ERICH3: variants seen among roughly 807,000 people sequenced by gnomAD.
ERICH3 encodes the protein glutamate-rich protein 3.
A neutral mutation model predicts 131.1 loss-of-function variants in ERICH3; 126 were observed. The observed-to-expected ratio is 0.96, with a 90% CI of 0.83 to 1.11. ERICH3 has a LOEUF of 1.11. Ranked by LOEUF, ERICH3 falls within the 50% of genes most tolerant of loss-of-function variation. ERICH3 has a pLI of 0.00. For missense variants in ERICH3, 2,050 were observed against 1,810.7 expected (o/e 1.13, Z -2.40); for synonymous variants, 695 against 644.6 (o/e 1.08, Z -1.18).
rs1275637697 is a variant in ERICH3 at position 74,568,124 on chromosome 1, A to G, written c.*2334T>C. The G allele has an allele frequency of 6.6e-6, 1 of 152,186 alleles. No homozygotes were observed. The highest frequency in any genetic ancestry group is 1.5e-5 in the Non-Finnish European group (1 of 67,984). 9.4% of individuals were successfully genotyped at this position (152,186 alleles called of 1,614,324 possible). ...ACCATTCACATGTATCTGTAAACAT[A>G]TGATTGATTTATGTTTTAATAATGA... On this transcript the variant is annotated 3_prime_UTR_variant, in exon 15 of 15. Transcript: ENST00000326665.
At chr1:74,669,489 T>A (rs1371356764) in intron 1 of ERICH3, among the ~76,000 whole-genome samples, 1 of 152,072 alleles carries the variant, frequency 6.6e-6, no homozygotes, top group African/African-American at 2.4e-5. Context: ...AAACCACCAT[T>A]CCACCTCTAG....
chr1:74,654,666 C>T (rs893853081), intron 1 of ERICH3, among the ~76,000 whole-genome samples: 3 of 152,084 alleles, frequency 2.0e-5, no homozygotes, highest in Non-Finnish European at 2.9e-5. Context: ...ATCTGATTAC[C>T]TCCCAAAGGC....
Position 74,572,533 on chromosome 1 carries a change from C to T in ERICH3, c.3177G>A (p.Glu1059=). Residue 1059 remains glutamate, a synonymous_variant, in exon 14 of 15, where the codon GAG becomes GAA. Coordinates refer to ENST00000326665, the MANE Select transcript of ERICH3 (RefSeq NM_001002912.5). ...TTTTTGGCCTCTCAGCTTTCCTTCG[C>T]TCTCTTGCTAAATCTAATTCCTTGG... ...ILPKELDLAR[E]RRKAERPKTS... The T allele has an allele frequency of 2.5e-6, 4 of 1,614,132 alleles. No homozygotes were observed. Among genetic ancestry groups the T allele is most frequent in the Non-Finnish European group, 3.4e-6 (4 of 1,180,028 alleles).
At chr1:74,588,179 C>A (rs1260734369) in intron 12 of ERICH3, among the ~76,000 whole-genome samples, 1 of 152,164 alleles carries the variant, frequency 6.6e-6, no homozygotes, top group African/African-American at 2.4e-5. Flanking sequence ...CTCCTGTATC[C>A]CACCTTCAAA....
At chr1:74,583,559 G>A (rs1647217706) in intron 12 of ERICH3, among the ~76,000 whole-genome samples, 2 of 151,968 alleles carry the variant, frequency 1.3e-5, no homozygotes, top group South Asian at 4.2e-4. Context: ...GGTTAACCAT[G>A]AGTAACTGAA....
Position 74,589,976 on chromosome 1 carries a change from T to C in ERICH3, c.1831A>G (p.Thr611Ala), listed in dbSNP as rs1472280563. 58 of 1,613,926 alleles carry C rather than the reference T, an allele frequency of 3.6e-5. No individual in the cohort carries two copies. The highest frequency in any genetic ancestry group is 4.9e-5 in the Non-Finnish European group (58 of 1,179,952). Residue 611 changes from threonine to alanine, a missense_variant, in exon 12 of 15, where the codon ACA becomes GCA. By Grantham distance (58) the Thr-to-Ala change is moderately conservative. Transcript: ENST00000326665. ...GDREAHTDSSTDESARRSSSQ... is the reference protein window; with the variant it reads ...GDREAHTDSSADESARRSSSQ... ...GATGACCTTCTGGCACTTTCATCTG[T>C]GCTGCTGTCAGTGTGGGCTTCCCTG... is the stretch of plus-strand genomic sequence containing the variant.
chr1:74,601,375 G>A (rs536967615), intron 10 of ERICH3, among the ~76,000 whole-genome samples: 16 of 151,800 alleles, frequency 1.1e-4, no homozygotes, highest in East Asian at 1.9e-4. Flanking sequence ...AGACAATCCC[G>A]GCCATGAAAG....
At chr1:74,659,984 C>T (rs1646624723) in intron 1 of ERICH3, among the ~76,000 whole-genome samples, 1 of 152,022 alleles carries the variant, frequency 6.6e-6, no homozygotes, top group Admixed American at 6.5e-5. Context: ...TGGCTGTGTC[C>T]CCACCCAAAT....
intron 7 of ERICH3, among the ~76,000 whole-genome samples, chr1:74,630,650 C>A (rs1394703817): frequency 6.6e-6 from 1 of 152,000 alleles, no homozygotes; most frequent in African/African-American, 2.4e-5. Flanking sequence ...AAACAGAAGT[C>A]TAAGGTTGCA....
intron 11 of ERICH3, among the ~76,000 whole-genome samples, chr1:74,594,084 C>T (rs1054506379): frequency 1.4e-4 from 21 of 152,034 alleles, no homozygotes; most frequent in Admixed American, 3.3e-4. Context: ...CACTCCAAAG[C>T]TCAGAGTCCA....
chr1:74,616,678 A>G (rs1648980946), intron 8 of ERICH3, among the ~76,000 whole-genome samples: 1 of 152,096 alleles, frequency 6.6e-6, no homozygotes, highest in Non-Finnish European at 1.5e-5. Flanking sequence ...TTGTTTGGAC[A>G]TAGGGTCTTC....
At chr1:74,596,851 AG>A in intron 11 of ERICH3, among the ~76,000 whole-genome samples, 1 of 152,026 alleles carries the variant, frequency 6.6e-6, no homozygotes, top group East Asian at 1.9e-4. Flanking sequence ...TGCAGCCAGT[AG>A]CACTCTATCA....
rs919353905 is a variant in ERICH3, at chr1:74,572,852, A to G, written c.2858T>C (p.Leu953Pro). 3.1e-6 allele frequency: 5 copies of G among 1,613,270 alleles called. No individual in the cohort carries two copies. In the Admixed American group the frequency reaches 6.7e-5, roughly 22 times the overall value. ...GTCCTCCATGGGTCCTGTGTCCTCT[A>G]GGTCTATGGATGCTTCCTCTTCACT... is the stretch of plus-strand genomic sequence containing the variant. ...GESEEEASID[L>P]EDTGPMEDTA... The change falls in exon 14 of 15, where the codon CTA becomes CCA. Residue 953 changes from leucine to proline, a missense_variant. Physicochemically the swap from Leu to Pro is moderately conservative, Grantham distance 98. Transcript: ENST00000326665.
chr1:74,633,778 A>G (rs921687021), intron 6 of ERICH3, among the ~76,000 whole-genome samples: 2 of 152,050 alleles, frequency 1.3e-5, no homozygotes, highest in Non-Finnish European at 2.9e-5. Context: ...ATAAATTCCT[A>G]CATGTTAAAA....
chr1:74,662,284 T>C (rs1646649487), intron 1 of ERICH3, among the ~76,000 whole-genome samples: 1 of 152,192 alleles, frequency 6.6e-6, no homozygotes, highest in Admixed American at 6.5e-5. Context: ...TAAGGTTTTA[T>C]TCTGGAAGAT....
chr1:74,605,432 G>T (rs1557680019), intron 10 of ERICH3, among the ~76,000 whole-genome samples: 1 of 151,722 alleles, frequency 6.6e-6, no homozygotes, highest in Non-Finnish European at 1.5e-5. Context: ...TTGGCTAACT[G>T]CTTGGCACAA....
At chr1:74,582,601 A>T (rs981960737) in intron 12 of ERICH3, among the ~76,000 whole-genome samples, 2 of 152,162 alleles carry the variant, frequency 1.3e-5, no homozygotes, top group African/African-American at 4.8e-5. Context: ...AGAAACTTAG[A>T]AACTCACTGC....
rs535685168 is a variant in ERICH3, at chr1:74,571,651, G to A, written c.4059C>T (p.Ala1353=). Residue 1353 remains alanine (A), a synonymous_variant, in exon 14 of 15, where the codon GCC becomes GCT. Coordinates refer to ENST00000326665, the MANE Select transcript of ERICH3 (RefSeq NM_001002912.5). ...CTGCCAACACCTCCCTCTCCTCTGCGGCTGTTTCTGCCGTTTCACCACCTC... is the reference window on the plus strand; with the variant it reads ...CTGCCAACACCTCCCTCTCCTCTGCAGCTGTTTCTGCCGTTTCACCACCTC... ...LHGGGETAET[A]AEEREVLAGS... is the part of the protein sequence containing the mutation. 6.2e-7 allele frequency: 1 copy of A among 1,614,010 alleles called. No individual in the cohort carries two copies. Among genetic ancestry groups the A allele is most frequent in the African/African-American group, 1.3e-5 (1 of 74,996 alleles).
At chr1:74,582,927 T>G (rs1436445517) in intron 12 of ERICH3, among the ~76,000 whole-genome samples, 1 of 150,050 alleles carries the variant, frequency 6.7e-6, no homozygotes, top group Non-Finnish European at 1.5e-5. Flanking sequence ...TTCTCTTTTC[T>G]GATTTTTTTG....
Sources: allele counts gnomAD v4.1 joint callset (sites outside exome capture counted in the v4.1 genomes callset), GRCh38; gene constraint gnomAD v4.1.1; transcripts MANE v1.5; gene names NCBI Gene and HGNC (gene_info 2026-07-23, HGNC 2026-07-21).